Variants in FAM78A observed in about 807,000 individuals in gnomAD.
FAM78A encodes the protein protein FAM78A.
In FAM78A, 12 loss-of-function variants were observed where a neutral mutation model predicts 22.6. The ratio of observed to expected loss-of-function variants is 0.53; its 90% CI spans 0.34 to 0.86. FAM78A has a LOEUF of 0.86. FAM78A is among the 40% of genes least tolerant of loss of function. The probability of loss-of-function intolerance (pLI) is 0.02; values close to 1 mark genes in which losing one functional copy is unlikely to be tolerated. For synonymous variants in FAM78A, 151 were observed against 155.8 expected (o/e 0.97, Z 0.23); for missense variants, 322 against 396.1 (o/e 0.81, Z 1.59).
Position 131,261,294 on chromosome 9 carries a change from G to A in FAM78A, c.380C>T (p.Ser127Leu), listed in dbSNP as rs1835265366. The A allele has an allele frequency of 2.1e-5, 33 of 1,605,222 alleles. No individual in the cohort carries two copies. The highest frequency in any genetic ancestry group is 2.8e-5 in the Non-Finnish European group (33 of 1,179,368). The change falls in exon 2 of 2, where the codon TCG (serine) becomes TTG (leucine). Residue 127 changes from serine (S) to leucine (L), a missense_variant. Physicochemically the swap from Ser to Leu is moderately radical, Grantham distance 145. Transcript: ENST00000372271. This position sits in a 1 kb window ranked among gnomAD's most constrained non-coding sequence, Gnocchi z 7.1. The part of the protein sequence containing the change: ...QEGKIQAISD[S>L]DGVNYPWYGN... ...GTACCAGGGGTAGTTCACCCCATCC[G>A]AGTCGCTGATGGCTTGGATCTTGCC...
At chr9:131,271,492 G>T (rs79975242) in intron 1 of FAM78A, among the ~76,000 whole-genome samples, 2,144 of 152,344 alleles carry the variant, frequency 0.014, 54 homozygotes, top group African/African-American at 0.049. Context: ...ATATTCCCAT[G>T]TCATAGATGG....
chr9:131,264,537 C>T, intron 1 of FAM78A: 1 of 714,398 alleles, frequency 1.4e-6, no homozygotes. Flanking sequence ...AATCCGCCAA[C>T]ATCTGCCTGC....
At chr9:131,279,586 G>A (rs1029702774), upstream of FAM78A, among the ~76,000 whole-genome samples, 13 of 152,314 alleles carry the variant, frequency 8.5e-5, no homozygotes, top group Admixed American at 2.0e-4. Context: ...CGTCCCTCTC[G>A]TGGAAAGGAC....
upstream of FAM78A, among the ~76,000 whole-genome samples, chr9:131,277,843 G>A (rs1179243775): frequency 1.3e-5 from 2 of 151,192 alleles, no homozygotes; most frequent in Non-Finnish European, 3.0e-5. The surrounding 1 kb of genome is among the most constrained non-coding windows in gnomAD (Gnocchi z 8.4). Context: ...CCCCGCCGCC[G>A]CGCCGCTGCC....
upstream of FAM78A, among the ~76,000 whole-genome samples, chr9:131,276,798 C>T (rs1835490500): frequency 6.6e-6 from 1 of 150,438 alleles, no homozygotes; most frequent in Admixed American, 6.6e-5. The surrounding 1 kb of genome is among the most constrained non-coding windows in gnomAD (Gnocchi z 4.3). Flanking sequence ...GCGCGGGTCC[C>T]CGTCGGCGCC....
chr9:131,269,694 C>T (rs2131183906), intron 1 of FAM78A, among the ~76,000 whole-genome samples: 1 of 152,208 alleles, frequency 6.6e-6, no homozygotes, highest in South Asian at 2.1e-4. Flanking sequence ...CCAGGCTGGT[C>T]TCGAACTCCT....
At chr9:131,268,999 C>T (rs1308921027) in intron 1 of FAM78A, among the ~76,000 whole-genome samples, 2 of 150,938 alleles carry the variant, frequency 1.3e-5, no homozygotes, top group Non-Finnish European at 2.9e-5. Flanking sequence ...CAGTTCAAAA[C>T]CAGCCTGACT....
chr9:131,268,546 G>T (rs1835374535), intron 1 of FAM78A, among the ~76,000 whole-genome samples: 1 of 152,204 alleles, frequency 6.6e-6, no homozygotes. Flanking sequence ...GCACAGCTGT[G>T]GATCACTGGG....
Position 131,276,088 on chromosome 9 carries a change from G to A in FAM78A, c.92C>T (p.Ala31Val). Residue 31 changes from alanine (A) to valine (V), a missense_variant, in exon 1 of 2, where the codon GCC becomes GTC. Coordinates refer to ENST00000372271, the MANE Select transcript of FAM78A (RefSeq NM_033387.4). The surrounding 1 kb of genome is among the most constrained non-coding windows in gnomAD (Gnocchi z 4.3). ...CGTGATCCCTTCCCGGAAGACTCTGGCTTTGCCTCCGATGCTCTGAATACA... is the reference window on the plus strand; with the variant it reads ...CGTGATCCCTTCCCGGAAGACTCTGACTTTGCCTCCGATGCTCTGAATACA... ...MGCIQSIGGK[A>V]RVFREGITVI... 1 of 1,613,806 alleles carries A rather than the reference G, an allele frequency of 6.2e-7. No individual in the cohort carries two copies. Among genetic ancestry groups the A allele is most frequent in the Non-Finnish European group, 8.5e-7 (1 of 1,180,032 alleles).
Position 131,259,944 on chromosome 9 carries a change from G to C in FAM78A, c.*878C>G, listed in dbSNP as rs1458893845. The C allele has an allele frequency of 6.5e-6, 1 of 152,754 alleles. No homozygotes were observed. Among genetic ancestry groups the C allele is most frequent in the Non-Finnish European group, 1.5e-5 (1 of 68,118 alleles). 9.5% of individuals were successfully genotyped at this position (152,754 alleles called of 1,614,324 possible). On this transcript the variant is annotated 3_prime_UTR_variant, in exon 2 of 2. Transcript: ENST00000372271. ...CTCTCTCCTCCTAGAGCCGCCCAAG[G>C]GAAGTTAAGGCTGCTGGGAAGAGAG...
chr9:131,277,094 G>T (rs1360476027), upstream of FAM78A, among the ~76,000 whole-genome samples: 2 of 151,146 alleles, frequency 1.3e-5, no homozygotes, highest in African/African-American at 2.4e-5. The surrounding 1 kb of genome is among the most constrained non-coding windows in gnomAD (Gnocchi z 8.4). Context: ...CCCCGGAGGC[G>T]GTGGCCCCCG....
At chr9:131,267,516 A>G (rs1168072512) in intron 1 of FAM78A, among the ~76,000 whole-genome samples, 2 of 152,220 alleles carry the variant, frequency 1.3e-5, no homozygotes, top group Non-Finnish European at 2.9e-5. Context: ...CCTGGACAAC[A>G]GAGTGATACC....
rs35227334 is a variant in FAM78A, at chr9:131,260,945, C to T, written c.729G>A (p.Leu243=). 8.9e-4 allele frequency: 1,424 copies of T among 1,608,874 alleles called. 10 individuals carry two copies. In the African/African-American group the frequency reaches 0.018, roughly 20 times the overall value. ...EPIAQDQPKI[L]SKNEPIPPSA... ...TGGGCGGGATGGGCTCATTCTTGCT[C>T]AGGATTTTGGGCTGGTCCTGGGCGA... The change falls in exon 2 of 2, where the codon CTG becomes CTA. Residue 243 remains leucine, a synonymous_variant. Coordinates refer to ENST00000372271, the MANE Select transcript of FAM78A (RefSeq NM_033387.4). The surrounding 1 kb of genome is among the most constrained non-coding windows in gnomAD (Gnocchi z 5.4).
intron 1 of FAM78A, among the ~76,000 whole-genome samples, chr9:131,266,243 A>G (rs1380788070): frequency 6.6e-6 from 1 of 152,040 alleles, no homozygotes; most frequent in Non-Finnish European, 1.5e-5. Context: ...CACAAATCCG[A>G]TGGCATGGCT....
chr9:131,266,744 G>A lies in FAM78A; in HGVS notation c.324-5394C>T, dbSNP rs555628263. Among the ~76,000 whole-genome samples the A allele has an allele frequency of 6.6e-5, 10 of 152,342 alleles. No homozygotes were observed. The East Asian group carries it at 1.5e-3, about 24-fold the overall frequency. Reference sequence around the variant, plus strand: ...TCTACCCTAGACAGACCACGAGGCCGTGAGGGCAGGGCCAGGCCTGCCTCG... The same window carrying A: ...TCTACCCTAGACAGACCACGAGGCCATGAGGGCAGGGCCAGGCCTGCCTCG... On this transcript the variant is annotated intron_variant, in intron 1 of 1. Coordinates refer to ENST00000372271, the MANE Select transcript of FAM78A (RefSeq NM_033387.4).
chr9:131,270,737 G>C (rs1048558277), intron 1 of FAM78A, among the ~76,000 whole-genome samples: 6 of 152,328 alleles, frequency 3.9e-5, no homozygotes, highest in African/African-American at 1.2e-4. Context: ...CCGGCTTCAG[G>C]AAGAGGCCAC....
chr9:131,259,221 T>G lies in FAM78A; in HGVS notation c.*1601A>C, dbSNP rs1835227761. On this transcript the variant is annotated 3_prime_UTR_variant, in exon 2 of 2. Coordinates refer to ENST00000372271, the MANE Select transcript of FAM78A (RefSeq NM_033387.4). ...TGGAAGGAGCGTGGCTTCAGCGGGA[T>G]GTCCCCTAATAGCCCCTGCAAGTGG... 6.5e-6 allele frequency: 1 copy of G among 152,776 alleles called. No individual in the cohort carries two copies. The highest frequency in any genetic ancestry group is 2.1e-4 in the South Asian group (1 of 4,836). The allele number at this position is 152,776 out of a possible 1,614,324, so 9.5% of individuals were successfully genotyped here.
At chr9:131,268,162 T>G (rs1009776490) in intron 1 of FAM78A, among the ~76,000 whole-genome samples, 1 of 152,118 alleles carries the variant, frequency 6.6e-6, no homozygotes, top group Admixed American at 6.5e-5. Flanking sequence ...GGCAGGAAGT[T>G]AGGAATTATT....
Position 131,266,241 on chromosome 9 carries a change from C to T in FAM78A, c.324-4891G>A, listed in dbSNP as rs868280236. 1.2e-4 allele frequency among the ~76,000 whole-genome samples: 18 copies of T among 152,292 alleles called. 1 individual carries two copies. The highest frequency in any genetic ancestry group is 6.2e-4 in the South Asian group (3 of 4,822). On this transcript the variant is annotated intron_variant, in intron 1 of 1. Transcript: ENST00000372271. ...GAAGGATCTTCTAAAAACACAAATCCGATGGCATGGCTCCAACCCTGTTAA... is the reference window on the plus strand; with the variant it reads ...GAAGGATCTTCTAAAAACACAAATCTGATGGCATGGCTCCAACCCTGTTAA...
Sources: gnomAD v4.1 joint callset for allele counts (sites outside exome capture counted in the v4.1 genomes callset) on GRCh38, gnomAD v4.1.1 for gene constraint, Gnocchi (gnomAD v3.1) non-coding constraint, MANE v1.5 for transcripts, NCBI Gene and HGNC (gene_info 2026-07-23, HGNC 2026-07-21) for gene names.